Variants in OLA1 observed in about 807,000 individuals in gnomAD.
OLA1 encodes obg-like ATPase 1.
OLA1 carries 14 observed loss-of-function variants against 48.4 expected under a neutral mutation model. The ratio of observed to expected loss-of-function variants is 0.29; its 90% confidence interval spans 0.19 to 0.45. OLA1 has a LOEUF of 0.45. OLA1 is among the 20% of genes least tolerant of loss of function. The pLI, the probability that OLA1 is intolerant of heterozygous loss-of-function variation, is 1.00. For missense variants in OLA1, 325 were observed against 467.1 expected, an observed-to-expected ratio of 0.70 and a Z score of 2.80; for synonymous variants, 127 against 150.4, an observed-to-expected ratio of 0.84 and a Z score of 1.14.
chr2:174,171,523 T>C (rs908653841), intron 4 of OLA1, among the ~76,000 whole-genome samples: 4 of 151,432 alleles, frequency 2.6e-5, no homozygotes, highest in African/African-American at 9.8e-5. Flanking sequence ...AATCAACAGA[T>C]CAAAGAAGTC....
intron 7 of OLA1, among the ~76,000 whole-genome samples, chr2:174,109,096 A>G (rs1201701801): frequency 6.6e-6 from 1 of 152,216 alleles, no homozygotes; most frequent in African/African-American, 2.4e-5. Context: ...GGAAATAACT[A>G]TAAAATAGCA....
intron 4 of OLA1, among the ~76,000 whole-genome samples, chr2:174,166,292 AC>A (rs1203855209): frequency 6.6e-6 from 1 of 152,174 alleles, no homozygotes; most frequent in Non-Finnish European, 1.5e-5. Flanking sequence ...AAAATTTACC[AC>A]CTGCAGAGGA....
chr2:174,113,503 C>T (rs1330516616), intron 7 of OLA1, among the ~76,000 whole-genome samples: 1 of 152,006 alleles, frequency 6.6e-6, no homozygotes, highest in Non-Finnish European at 1.5e-5. Context: ...AAATATATTG[C>T]TGTTGCCTCT....
Position 174,086,457 on chromosome 2 carries a change from A to G in OLA1, c.729-4393T>C, listed in dbSNP as rs557210052. ...CCTCAGTGGATGCCTAAACCCTCGGACAGTACCAAACCCTATATATACTAT... is the reference window on the plus strand; with the variant it reads ...CCTCAGTGGATGCCTAAACCCTCGGGCAGTACCAAACCCTATATATACTAT... On this transcript the variant is annotated intron_variant, in intron 7 of 10. Coordinates refer to ENST00000284719, the MANE Select transcript of OLA1 (RefSeq NM_013341.5). Among the ~76,000 whole-genome samples the G allele has an allele frequency of 1.1e-3, 163 of 152,294 alleles. 2 individuals carry two copies. Among genetic ancestry groups the G allele is most frequent in the African/African-American group, 3.5e-3 (144 of 41,566 alleles).
intron 10 of OLA1, 129 bp downstream of exon 10, chr2:174,078,839 C>T (rs904915305): frequency 1.7e-5 from 15 of 879,638 alleles, no homozygotes; most frequent in South Asian, 2.2e-5. Context: ...TAACACTAAA[C>T]GCTGATCATC....
At chr2:174,096,610 T>C (rs1386703823) in intron 7 of OLA1, among the ~76,000 whole-genome samples, 2 of 152,140 alleles carry the variant, frequency 1.3e-5, no homozygotes, top group African/African-American at 4.8e-5. Context: ...TACAGCTCAA[T>C]TACATACTAG....
intron 7 of OLA1, among the ~76,000 whole-genome samples, chr2:174,115,611 C>A (rs17239377): frequency 0.42 from 63,839 of 151,836 alleles, 14,289 homozygotes; most frequent in East Asian, 0.94. Context: ...TTTTTGATGG[C>A]CCATTATGCT....
At chr2:174,180,878 T>C (rs550856370) in intron 4 of OLA1, among the ~76,000 whole-genome samples, 153 of 152,356 alleles carry the variant, frequency 1.0e-3, no homozygotes, top group Non-Finnish European at 1.9e-3. Context: ...AGGAGGTTGC[T>C]TACTAGCAAG....
chr2:174,169,788 C>A (rs901961508), intron 4 of OLA1, among the ~76,000 whole-genome samples: 5 of 152,142 alleles, frequency 3.3e-5, no homozygotes, highest in Non-Finnish European at 5.9e-5. Context: ...TTTTTCTTTT[C>A]ATGGTTTCCT....
rs75825721 is a variant in OLA1 at position 174,219,662 on chromosome 2, T to G, written c.373+3371A>C. 4.5e-3 allele frequency among the ~76,000 whole-genome samples: 689 copies of G among 152,138 alleles called. 7 individuals are homozygous for G. The highest frequency in any genetic ancestry group is 0.016 in the African/African-American group (664 of 41,506). ...CCAGACTGGTCTTGAACTCAAGCAATCTGCCTGCCCCAGTCTCCCAAAATG... is the reference window on the plus strand; with the variant it reads ...CCAGACTGGTCTTGAACTCAAGCAAGCTGCCTGCCCCAGTCTCCCAAAATG... On this transcript the variant is annotated intron_variant, in intron 4 of 10. Transcript: ENST00000284719.
intron 4 of OLA1, among the ~76,000 whole-genome samples, chr2:174,164,771 A>G (rs1687123009): frequency 4.6e-5 from 7 of 152,168 alleles, no homozygotes. Flanking sequence ...CTGCTTAGGA[A>G]TTTACGTAAC....
At chr2:174,107,108 C>G (rs1214475602) in intron 7 of OLA1, among the ~76,000 whole-genome samples, 1 of 152,084 alleles carries the variant, frequency 6.6e-6, no homozygotes, top group Non-Finnish European at 1.5e-5. Flanking sequence ...CTCTGATAAG[C>G]TCCTTGTTGG....
chr2:174,185,479 GAATACTTATTTTTTGAGACTTT>G, intron 4 of OLA1, among the ~76,000 whole-genome samples: 1 of 151,932 alleles, frequency 6.6e-6, no homozygotes, highest in East Asian at 1.9e-4. Flanking sequence ...GTCAACATTC[GAATACTTATTTTTTGAGACTTT>G]TTTCCTATGA....
At chr2:174,208,403 T>A (rs1688163906) in intron 4 of OLA1, among the ~76,000 whole-genome samples, 1 of 152,118 alleles carries the variant, frequency 6.6e-6, no homozygotes, top group Non-Finnish European at 1.5e-5. Flanking sequence ...CTCTGAAAAA[T>A]GCACCTCTGA....
intron 3 of OLA1, among the ~76,000 whole-genome samples, chr2:174,229,043 A>C (rs942043749): frequency 2.6e-5 from 4 of 152,046 alleles, no homozygotes; most frequent in African/African-American, 9.7e-5. Context: ...CACCCAGCTA[A>C]ATTTTGTATT....
chr2:174,128,824 T>C (rs960446543), intron 5 of OLA1, among the ~76,000 whole-genome samples: 3 of 152,148 alleles, frequency 2.0e-5, no homozygotes, highest in African/African-American at 7.2e-5. Context: ...GGGGCACTGA[T>C]ACAACAGAAC....
At chr2:174,216,646 G>T (rs1688367080) in intron 4 of OLA1, among the ~76,000 whole-genome samples, 1 of 151,984 alleles carries the variant, frequency 6.6e-6, no homozygotes, top group Admixed American at 6.6e-5. Flanking sequence ...TCAAACTCTT[G>T]GGCTCAAGCA....
intron 7 of OLA1, among the ~76,000 whole-genome samples, chr2:174,110,497 T>C (rs921720925): frequency 6.6e-6 from 1 of 151,434 alleles, no homozygotes; most frequent in Non-Finnish European, 1.5e-5. Flanking sequence ...CAGGCTGGAG[T>C]ACACTGGCAC....
At chr2:174,104,847 A>G (rs1159248348) in intron 7 of OLA1, among the ~76,000 whole-genome samples, 1 of 152,038 alleles carries the variant, frequency 6.6e-6, no homozygotes, top group Non-Finnish European at 1.5e-5. Context: ...GAAAAGCCAG[A>G]CACACAGGTC....
Sources: allele counts gnomAD v4.1 joint callset (sites outside exome capture counted in the v4.1 genomes callset), GRCh38; gene constraint gnomAD v4.1.1; transcripts MANE v1.5; gene names NCBI Gene and HGNC (gene_info 2026-07-23, HGNC 2026-07-21).